The following BCL2L13 variants were observed in gnomAD, a reference collection of about 807,000 sequenced individuals.
The protein encoded by BCL2L13 is bcl-2-like protein 13.
In BCL2L13, 13 loss-of-function variants were observed where a neutral mutation model predicts 25.8. The observed-to-expected ratio is 0.50, with a 90% CI of 0.33 to 0.80. BCL2L13 has a LOEUF of 0.80. Among genes scored for constraint, BCL2L13 ranks in the 30% least tolerant of loss-of-function variants. The pLI, the probability that BCL2L13 is intolerant of heterozygous loss-of-function variation, is 0.02. For synonymous variants in BCL2L13, 244 were observed against 230.3 expected (o/e 1.06, Z -0.54); for missense variants, 504 against 574.9 (o/e 0.88, Z 1.26).
chr22:17,683,899 G>T lies in BCL2L13; in HGVS notation c.229+578G>T, dbSNP rs2059831376. 2.0e-5 allele frequency among the ~76,000 whole-genome samples: 3 copies of T among 150,624 alleles called. No individual in the cohort carries two copies. The South Asian group carries it at 6.3e-4, about 32-fold the overall frequency. On this transcript the variant is annotated intron_variant, in intron 3 of 6. Transcript: ENST00000317582. Reference sequence around the variant, plus strand: ...TATTATTATTACTATTTCAGAGACAGGGTCTTGCTCTGTTGCCCAGGCTGG... The same window carrying T: ...TATTATTATTACTATTTCAGAGACATGGTCTTGCTCTGTTGCCCAGGCTGG...
Position 17,728,701 on chromosome 22 carries a change from A to C in BCL2L13, c.*1167A>C, listed in dbSNP as rs963279595. On this transcript the variant is annotated 3_prime_UTR_variant, in exon 7 of 7. Transcript: ENST00000317582. ...TAGAGAGTGTCCTAAATATCACTGAAATAAAAAGTAGGAAAAAGAAGCTTG... is the reference window on the plus strand; with the variant it reads ...TAGAGAGTGTCCTAAATATCACTGACATAAAAAGTAGGAAAAAGAAGCTTG... The C allele has an allele frequency of 2.0e-5, 3 of 152,186 alleles. No individual in the cohort carries two copies. The highest frequency in any genetic ancestry group is 7.2e-5 in the African/African-American group (3 of 41,440). The allele number at this position is 152,186 out of a possible 1,614,324, so 9.4% of individuals were successfully genotyped here.
chr22:17,671,056 C>T (rs989330819), intron 2 of BCL2L13, among the ~76,000 whole-genome samples: 2 of 151,780 alleles, frequency 1.3e-5, no homozygotes, highest in Admixed American at 6.6e-5. Context: ...GTCAAGAGAT[C>T]GAGACCATCC....
At chr22:17,695,286 C>G (rs903384413) in intron 4 of BCL2L13, among the ~76,000 whole-genome samples, 7 of 152,138 alleles carry the variant, frequency 4.6e-5, no homozygotes, top group African/African-American at 1.4e-4. Context: ...AAGGAAAGAC[C>G]AAAATATTCA....
At chr22:17,655,953 C>A in intron 2 of BCL2L13, 121 bp downstream of exon 2, 2 of 1,053,890 alleles carry the variant, frequency 1.9e-6, no homozygotes, top group Non-Finnish European at 2.6e-6. Context: ...GTAAGAATAA[C>A]CTGTTAGGGC....
In BCL2L13 at chr22:17,631,670, GTATATA is replaced by G. The variant is rs1181793721; in HGVS notation, c.-650+2697_-650+2702del. 1.7e-3 allele frequency among the ~76,000 whole-genome samples: 47 copies of G among 26,874 alleles called. 3 individuals are homozygous for G. In the East Asian group the frequency reaches 0.018, roughly 10 times the overall value. 17.6% of individuals were successfully genotyped at this position (26,874 alleles called of 152,430 possible). ...CGTGTGTGTATGTATGTGTGTGTGTGTATATATATATATATATATATATATATATAT... is the reference window on the plus strand; with the variant it reads ...CGTGTGTGTATGTATGTGTGTGTGTGTATATATATATATATATATATATAT... On this transcript the variant is annotated intron_variant, in intron 1 of 6. Coordinates refer to the BCL2L13 transcript ENST00000399782.
intron 6 of BCL2L13, among the ~76,000 whole-genome samples, chr22:17,712,260 T>C (rs1221103017): frequency 6.6e-6 from 1 of 152,198 alleles, no homozygotes; most frequent in Non-Finnish European, 1.5e-5. Flanking sequence ...CTTAGCCTAG[T>C]TTTAAAATGT....
intron 3 of BCL2L13, chr22:17,684,571 G>T (rs1274213829): frequency 6.6e-6 from 3 of 454,000 alleles, no homozygotes; most frequent in South Asian, 4.7e-5. Context: ...GGTGGTGGTG[G>T]TGGTGTTTTG....
intron 5 of BCL2L13, among the ~76,000 whole-genome samples, chr22:17,698,380 G>A (rs2060329447): frequency 6.6e-6 from 1 of 151,882 alleles, no homozygotes; most frequent in Non-Finnish European, 1.5e-5. Flanking sequence ...CTCCCAAAGT[G>A]ATGGGATTAC....
chr22:17,659,838 AATTT>A (rs1601553952), intron 2 of BCL2L13, among the ~76,000 whole-genome samples: 3 of 145,822 alleles, frequency 2.1e-5, no homozygotes, highest in Non-Finnish European at 4.7e-5. Flanking sequence ...ACAAACATTT[AATTT>A]ATTTATTCTT....
chr22:17,723,150 GTCTC>G (rs966766063), intron 6 of BCL2L13, among the ~76,000 whole-genome samples: 5 of 152,012 alleles, frequency 3.3e-5, no homozygotes, highest in Non-Finnish European at 4.4e-5. Flanking sequence ...CCCTCCCTGT[GTCTC>G]TCTCTATCTG....
intron 2 of BCL2L13, among the ~76,000 whole-genome samples, chr22:17,682,983 A>G (rs571270945): frequency 6.6e-6 from 1 of 152,252 alleles, no homozygotes; most frequent in South Asian, 2.1e-4. Context: ...ATACAAAAAA[A>G]TTAGCCAGGC....
chr22:17,693,374 T>TTGGTTTTTC, intron 4 of BCL2L13, among the ~76,000 whole-genome samples: 1 of 24,762 alleles, frequency 4.0e-5, no homozygotes, highest in African/African-American at 1.1e-4. Context: ...TAGTGTTTGT[T>TTGGTTTTTC]TTTTTTTTTT....
In BCL2L13 at chr22:17,728,514, C is replaced by T. The variant is rs1206459008; in HGVS notation, c.*980C>T. The T allele has an allele frequency of 6.6e-6, 1 of 152,194 alleles. No homozygotes were observed. The highest frequency in any genetic ancestry group is 1.5e-5 in the Non-Finnish European group (1 of 68,036). 9.4% of individuals were successfully genotyped at this position (152,194 alleles called of 1,614,324 possible). On this transcript the variant is annotated 3_prime_UTR_variant, in exon 7 of 7. Coordinates refer to ENST00000317582, the MANE Select transcript of BCL2L13 (RefSeq NM_015367.4). The stretch of plus-strand genomic sequence containing the variant: ...CACCATGGTTACTTGCCAGCAACAT[C>T]TCTATTGCTGGATGGTCCCTGTCTA...
chr22:17,662,545 G>C (rs928111136), intron 2 of BCL2L13, among the ~76,000 whole-genome samples: 1 of 151,968 alleles, frequency 6.6e-6, no homozygotes, highest in Non-Finnish European at 1.5e-5. Context: ...CGTCAGGCTG[G>C]GTGTCATGGC....
chr22:17,640,316 T>C (rs1020762403), intron 1 of BCL2L13, among the ~76,000 whole-genome samples: 1 of 152,228 alleles, frequency 6.6e-6, no homozygotes, highest in Non-Finnish European at 1.5e-5. Flanking sequence ...GTATTTTTTT[T>C]CCAATGGCTC....
At chr22:17,687,951 G>T (rs577787069) in intron 3 of BCL2L13, among the ~76,000 whole-genome samples, 3 of 151,794 alleles carry the variant, frequency 2.0e-5, no homozygotes, top group African/African-American at 7.2e-5. Flanking sequence ...CTGAGTAGCT[G>T]GGGTTACAGG....
intron 1 of BCL2L13, among the ~76,000 whole-genome samples, chr22:17,648,975 C>T (rs903913422): frequency 6.6e-6 from 1 of 152,116 alleles, no homozygotes; most frequent in East Asian, 1.9e-4. Context: ...TACCCTGTCG[C>T]TCAGGCTGGA....
intron 1 of BCL2L13, among the ~76,000 whole-genome samples, chr22:17,651,137 T>C (rs957594249): frequency 3.3e-5 from 5 of 151,552 alleles, no homozygotes; most frequent in African/African-American, 1.2e-4. Context: ...GTAGCTGGGA[T>C]TACAGGCATG....
chr22:17,713,096 T>C (rs2060807590), intron 6 of BCL2L13, among the ~76,000 whole-genome samples: 1 of 152,166 alleles, frequency 6.6e-6, no homozygotes, highest in Admixed American at 6.5e-5. Context: ...CCTACCTTTA[T>C]TAAGGATTCT....
Sources: gnomAD v4.1 joint callset for allele counts (sites outside exome capture counted in the v4.1 genomes callset) on GRCh38, gnomAD v4.1.1 for gene constraint, MANE v1.5 for transcripts, NCBI Gene and HGNC (gene_info 2026-07-23, HGNC 2026-07-21) for gene names.